The following CACNA1H variants were observed in gnomAD, a reference collection of about 807,000 sequenced individuals.
The protein encoded by CACNA1H is calcium voltage-gated channel subunit alpha1 H, also known as voltage-dependent T-type calcium channel subunit alpha-1H.
CACNA1H carries 149 observed loss-of-function variants against 192.5 expected under a neutral mutation model. The ratio of observed to expected loss-of-function variants is 0.77; its 90% CI spans 0.68 to 0.89. The LOEUF (loss-of-function observed/expected upper bound fraction) is 0.89. CACNA1H is among the 40% of genes least tolerant of loss of function. The pLI, the probability that CACNA1H is intolerant of heterozygous loss-of-function variation, is 0.00. For missense variants in CACNA1H, 4,257 were observed against 3,423.5 expected (o/e 1.24, Z -6.08); for synonymous variants, 2,202 against 1,475.2 (o/e 1.49, Z -11.29).
intron 2 of CACNA1H, among the ~76,000 whole-genome samples, chr16:1,174,588 C>T (rs1409339776): frequency 1.3e-5 from 2 of 152,060 alleles, no homozygotes; most frequent in African/African-American, 2.4e-5. Context: ...TCAGGGCTGT[C>T]TGGGCCCCTC....
intron 2 of CACNA1H, among the ~76,000 whole-genome samples, chr16:1,181,005 T>G (rs1170521352): frequency 6.6e-6 from 1 of 152,158 alleles, no homozygotes; most frequent in African/African-American, 2.4e-5. Context: ...CACGTTCCCA[T>G]GGAGGGAGCG....
At chr16:1,210,158 C>T (rs1192315190) in intron 18 of CACNA1H, 23 bp downstream of exon 18, 2 of 1,534,530 alleles carry the variant, frequency 1.3e-6, no homozygotes, top group Non-Finnish European at 1.8e-6. Context: ...GGTCAGGAGG[C>T]TGCATGGCTA....
At chr16:1,158,655 C>G (rs1259891608) in intron 2 of CACNA1H, among the ~76,000 whole-genome samples, 1 of 152,184 alleles carries the variant, frequency 6.6e-6, no homozygotes, top group African/African-American at 2.4e-5. Context: ...AGATGGAGCC[C>G]AGAGCAGGCC....
At chr16:1,177,009 G>A (rs1596330492) in intron 2 of CACNA1H, among the ~76,000 whole-genome samples, 1 of 152,258 alleles carries the variant, frequency 6.6e-6, no homozygotes, top group Non-Finnish European at 1.5e-5. Context: ...GGCCTGGGCA[G>A]CCTCACTCCC....
rs77925410 is a variant in CACNA1H, at chr16:1,193,043, C to T, written c.300-1929C>T. ...GGAGAGGCAGTGCCACCTACAAGACCCCTGGCTCAGCCAGGCTGGGGTAGA... is the reference window on the plus strand; with the variant it reads ...GGAGAGGCAGTGCCACCTACAAGACTCCTGGCTCAGCCAGGCTGGGGTAGA... On this transcript the variant is annotated intron_variant, in intron 2 of 34. Coordinates refer to ENST00000348261, the MANE Select transcript of CACNA1H (RefSeq NM_021098.3). Among the ~76,000 whole-genome samples the T allele has an allele frequency of 4.1e-3, 625 of 152,236 alleles. 7 individuals carry two copies. The highest frequency in any genetic ancestry group is 0.014 in the African/African-American group (588 of 41,530).
Position 1,182,379 on chromosome 16 carries a change from A to G in CACNA1H, c.300-12593A>G, listed in dbSNP as rs148759186. 6.3e-3 allele frequency among the ~76,000 whole-genome samples: 964 copies of G among 152,230 alleles called. 13 individuals are homozygous for G. Among genetic ancestry groups the G allele is most frequent in the African/African-American group, 0.022 (931 of 41,544 alleles). On this transcript the variant is annotated intron_variant, in intron 2 of 34. Transcript: ENST00000348261. Reference sequence around the variant, plus strand: ...GGAGTGAGCCGTCCACTCATGCATCAGTGATTTCAATCCCCCAGGTGGTGG... The same window carrying G: ...GGAGTGAGCCGTCCACTCATGCATCGGTGATTTCAATCCCCCAGGTGGTGG...
rs576144333 is a variant in CACNA1H at position 1,168,370 on chromosome 16, C to T, written c.299+14334C>T. On this transcript the variant is annotated intron_variant, in intron 2 of 34. Coordinates refer to ENST00000348261, the MANE Select transcript of CACNA1H (RefSeq NM_021098.3). The stretch of plus-strand genomic sequence containing the variant: ...AGAGTCCATGCAGTCCGACCACCCA[C>T]CCCGGGGCGTGGTTCTAGGATGGGG... 5.3e-5 allele frequency among the ~76,000 whole-genome samples: 8 copies of T among 152,222 alleles called. No homozygotes were observed. The East Asian group carries it at 5.8e-4, about 11-fold the overall frequency.
chr16:1,178,149 G>A (rs1268271364), intron 2 of CACNA1H, among the ~76,000 whole-genome samples: 2 of 48,142 alleles, frequency 4.2e-5, no homozygotes, highest in African/African-American at 8.4e-5. Context: ...CCCCCACCCC[G>A]GAAACCGCCC....
intron 19 of CACNA1H, 42 bp downstream of exon 19, chr16:1,210,535 C>T: frequency 6.2e-7 from 1 of 1,610,760 alleles, no homozygotes; most frequent in Non-Finnish European, 8.5e-7. Flanking sequence ...CCACGACCCC[C>T]AGGGAGGGGT....
intron 31 of CACNA1H, among the ~76,000 whole-genome samples, chr16:1,217,313 A>T (rs1430547899): frequency 6.6e-6 from 1 of 152,224 alleles, no homozygotes; most frequent in Non-Finnish European, 1.5e-5. Context: ...AGACGTGCAC[A>T]CACAGACATC....
At chr16:1,217,084 C>T (rs1361103522) in intron 31 of CACNA1H, 74 bp downstream of exon 31, 21 of 1,290,774 alleles carry the variant, frequency 1.6e-5, no homozygotes, top group African/African-American at 1.3e-4. Flanking sequence ...TCCACTCACA[C>T]GCAGGCACAT....
intron 27 of CACNA1H, 135 bp downstream of exon 27, chr16:1,214,066 G>A: frequency 1.3e-6 from 1 of 753,640 alleles, no homozygotes; most frequent in Admixed American, 2.4e-5. Context: ...GGGGTTTTGT[G>A]TGAACACGGG....
rs750211355 is a variant in CACNA1H at position 1,220,674 on chromosome 16, G to T, written c.6742G>T (p.Gly2248Trp). The T allele has an allele frequency of 1.9e-6, 3 of 1,609,022 alleles. No individual in the cohort carries two copies. In the South Asian group the frequency reaches 3.3e-5, roughly 18 times the overall value. ...SGAGGDPAAK[G>W]ERWGQASCRA... ...CGCCGGGGGGGACCCTGCAGCCAAG[G>T]GGGAGCGCTGGGGCCAGGCCTCCTG... Residue 2248 changes from glycine to tryptophan, a missense_variant, in exon 35 of 35, where the codon GGG becomes TGG. Physicochemically the swap from Gly to Trp is radical, Grantham distance 184. Coordinates refer to ENST00000348261, the MANE Select transcript of CACNA1H (RefSeq NM_021098.3).
At chr16:1,161,021 C>T (rs190663841) in intron 2 of CACNA1H, among the ~76,000 whole-genome samples, 11 of 152,244 alleles carry the variant, frequency 7.2e-5, no homozygotes, top group East Asian at 1.9e-4. Context: ...CACGCTGCCT[C>T]GGGGTGAAGA....
Position 1,178,382 on chromosome 16 carries a change from G to A in CACNA1H, c.300-16590G>A, listed in dbSNP as rs148291423. ...TATCTCAGAGTCCTAACCCACCCCCGAGTCCCCATATTCATATCTCAGAGT... is the reference window on the plus strand; with the variant it reads ...TATCTCAGAGTCCTAACCCACCCCCAAGTCCCCATATTCATATCTCAGAGT... On this transcript the variant is annotated intron_variant, in intron 2 of 34. Coordinates refer to ENST00000348261, the MANE Select transcript of CACNA1H (RefSeq NM_021098.3). 6.8e-3 allele frequency among the ~76,000 whole-genome samples: 900 copies of A among 133,056 alleles called. 6 individuals are homozygous for A. Among genetic ancestry groups the A allele is most frequent in the African/African-American group, 0.024 (818 of 34,808 alleles). The allele number at this position is 133,056 out of a possible 152,430, so 87.3% of individuals were successfully genotyped here. A position where few individuals can be genotyped will look rare whatever the true frequency, so the allele number is the denominator to read the frequency against.
chr16:1,205,330 A>G lies in CACNA1H; in HGVS notation c.2603+65A>G. On this transcript the variant is annotated intron_variant, in intron 11 of 34. Transcript: ENST00000348261. ...AGCTCCACTCTCTGGCAGAAATCCC[A>G]CCTGCAGAGCAAAACCCAGAGCACA... 11 of 1,496,880 alleles carry G rather than the reference A, an allele frequency of 7.3e-6. No homozygotes were observed. In the South Asian group the frequency reaches 1.4e-4, roughly 19 times the overall value. The allele number at this position is 1,496,880 out of a possible 1,614,324, so 92.7% of individuals were successfully genotyped here. A position where few individuals can be genotyped will look rare whatever the true frequency, so the allele number is the denominator to read the frequency against.
intron 2 of CACNA1H, among the ~76,000 whole-genome samples, chr16:1,171,434 G>C (rs896825731): frequency 1.3e-5 from 2 of 152,184 alleles, no homozygotes; most frequent in Admixed American, 1.3e-4. Context: ...CCACTTTTTG[G>C]CCCTGGGCTC....
chr16:1,206,990 C>T lies in CACNA1H; in HGVS notation c.2790-11C>T. On this transcript the variant is annotated splice_polypyrimidine_tract_variant and intron_variant, in intron 12 of 34. Transcript: ENST00000348261. The stretch of plus-strand genomic sequence containing the variant: ...CCTCCACCCTCAACACGCCCCTGCC[C>T]CCACCCTCAGCATCCTGGGCATGCA... The T allele has an allele frequency of 2.6e-6, 4 of 1,562,388 alleles. No homozygotes were observed. The highest frequency in any genetic ancestry group is 1.7e-4 in the Middle Eastern group (1 of 5,986).
intron 10 of CACNA1H, 40 bp from the exon 11 acceptor site, chr16:1,205,073 GC>G: frequency 6.4e-7 from 1 of 1,564,796 alleles, no homozygotes; most frequent in African/African-American, 1.4e-5. Context: ...GGTGGGAGCC[GC>G]GGGTGCGGCC....
Sources: gnomAD v4.1 joint callset for allele counts (sites outside exome capture counted in the v4.1 genomes callset) on GRCh38, gnomAD v4.1.1 for gene constraint, MANE v1.5 for transcripts, NCBI Gene and HGNC (gene_info 2026-07-23, HGNC 2026-07-21) for gene names.